Variants in CEP192 observed in about 807,000 individuals in gnomAD.
The protein encoded by CEP192 is centrosomal protein of 192 kDa.
In CEP192, 151 loss-of-function variants were observed where a neutral mutation model predicts 271.8. The ratio of observed to expected loss-of-function variants is 0.56; its 90% CI spans 0.49 to 0.64. The LOEUF (loss-of-function observed/expected upper bound fraction) is 0.64, where lower values mean the gene tolerates loss of function less well. CEP192 is among the 30% of genes least tolerant of loss of function. The probability of loss-of-function intolerance (pLI) is 0.00; values close to 1 mark genes in which losing one functional copy is unlikely to be tolerated. For synonymous variants in CEP192, 995 were observed against 1,076.5 expected, an observed-to-expected ratio of 0.92 and a Z score of 1.48; for missense variants, 2,910 against 3,020.5, an observed-to-expected ratio of 0.96 and a Z score of 0.86.
chr18:13,075,074 A>C (rs2038201128), intron 30 of CEP192, among the ~76,000 whole-genome samples: 1 of 152,244 alleles, frequency 6.6e-6, no homozygotes, highest in African/African-American at 2.4e-5. Flanking sequence ...CTTACTCTGC[A>C]GTACAACAGT....
chr18:13,023,041 G>C (rs1278875943), intron 9 of CEP192, among the ~76,000 whole-genome samples: 1 of 152,094 alleles, frequency 6.6e-6, no homozygotes, highest in African/African-American at 2.4e-5. Context: ...CATGTATGCT[G>C]TCATCTTTTA....
chr18:13,071,522 G>A (rs2144446572), intron 28 of CEP192, among the ~76,000 whole-genome samples: 1 of 152,284 alleles, frequency 6.6e-6, no homozygotes, highest in South Asian at 2.1e-4. Flanking sequence ...GAGCTGCATA[G>A]AGAATATGCA....
At chr18:13,117,888 C>T (rs2040505016) in intron 44 of CEP192, among the ~76,000 whole-genome samples, 1 of 152,182 alleles carries the variant, frequency 6.6e-6, no homozygotes, top group South Asian at 2.1e-4. Flanking sequence ...TGTGACTCCT[C>T]CCACCCAGGA....
intron 28 of CEP192, among the ~76,000 whole-genome samples, chr18:13,071,424 A>G (rs1034030308): frequency 6.6e-6 from 1 of 152,208 alleles, no homozygotes; most frequent in Non-Finnish European, 1.5e-5. Context: ...ATGACCAACA[A>G]TACAGTTACT....
At chr18:13,080,914 G>A (rs2038569208) in intron 30 of CEP192, among the ~76,000 whole-genome samples, 1 of 152,168 alleles carries the variant, frequency 6.6e-6, no homozygotes, top group African/African-American at 2.4e-5. Flanking sequence ...TTTTGTCGTT[G>A]GTTCTGTTTA....
intron 12 of CEP192, among the ~76,000 whole-genome samples, chr18:13,037,830 C>T (rs7243597): frequency 0.14 from 20,551 of 152,134 alleles, 1,535 homozygotes; most frequent in East Asian, 0.31. Flanking sequence ...GCTGGGATTA[C>T]AGGTGTGAGC....
At chr18:13,120,504 T>C (rs1226471676) in intron 44 of CEP192, among the ~76,000 whole-genome samples, 2 of 152,216 alleles carry the variant, frequency 1.3e-5, no homozygotes, top group East Asian at 3.8e-4. Context: ...TGAAGGAACT[T>C]AGAAACGTGA....
chr18:13,067,805 A>T (rs756660951), intron 21 of CEP192, 26 bp from the exon 22 acceptor site: 1 of 1,585,262 alleles, frequency 6.3e-7, no homozygotes, highest in Non-Finnish European at 8.6e-7. Flanking sequence ...GCTTTTCATA[A>T]ATCATTCCCT....
chr18:13,056,088 G>C lies in CEP192; in HGVS notation c.3498G>C (p.Arg1166Ser), dbSNP rs779880895. The change falls in exon 19 of 45, where the codon AGG becomes AGC. Residue 1166 changes from arginine to serine, a missense_variant. Physicochemically the swap from Arg to Ser is moderately radical, Grantham distance 110 (BLOSUM62 -1). Transcript: ENST00000506447. ...ACCCTGAGGAATTGGACCCGATCAG[G>C]CTGGCTCTCCTGGGCAAGTCAGGTC... ...TSNPEELDPI[R>S]LALLGKSGLS... is the part of the protein sequence containing the mutation. 4 of 1,613,728 alleles carry C rather than the reference G, an allele frequency of 2.5e-6. No homozygotes were observed. Among genetic ancestry groups the C allele is most frequent in the Non-Finnish European group, 3.4e-6 (4 of 1,179,750 alleles).
Position 13,096,058 on chromosome 18 carries a change from T to C in CEP192, c.6434-126T>C, listed in dbSNP as rs757890862. The C allele has an allele frequency of 1.8e-4, 168 of 938,112 alleles. 1 individual carries two copies. The highest frequency in any genetic ancestry group is 2.6e-4 in the Non-Finnish European group (163 of 629,444). The allele number at this position is 938,112 out of a possible 1,614,324, so 58.1% of individuals were successfully genotyped here. A position where few individuals can be genotyped will look rare whatever the true frequency, so the allele number is the denominator to read the frequency against. On this transcript the variant is annotated intron_variant, in intron 35 of 44. Coordinates refer to ENST00000506447, the MANE Select transcript of CEP192 (RefSeq NM_032142.4). ...TACCAAGGATTGGAAATTTCTGTAA[T>C]TGAGCAGTTGAGAAAGCAGTAGCAT...
At chr18:13,050,465 G>C (rs539210978) in intron 17 of CEP192, among the ~76,000 whole-genome samples, 1 of 152,222 alleles carries the variant, frequency 6.6e-6, no homozygotes, top group South Asian at 2.1e-4. Context: ...TTCAGCTAGT[G>C]CTCAATGTCA....
chr18:13,003,291 A>C (rs2033763131), intron 3 of CEP192, among the ~76,000 whole-genome samples: 1 of 151,868 alleles, frequency 6.6e-6, no homozygotes, highest in Non-Finnish European at 1.5e-5. Flanking sequence ...TCTACCAAAA[A>C]CACAAAAATT....
At chr18:13,083,674 G>A (rs112049065) in intron 30 of CEP192, among the ~76,000 whole-genome samples, 31 of 152,292 alleles carry the variant, frequency 2.0e-4, no homozygotes, top group Non-Finnish European at 3.1e-4. Context: ...GAGGAGCTGC[G>A]ATCTTTTGGA....
chr18:13,099,414 C>G, intron 36 of CEP192, 62 bp from the exon 37 acceptor site: 3 of 806,312 alleles, frequency 3.7e-6, no homozygotes, highest in Non-Finnish European at 2.0e-6. Flanking sequence ...ATTTATAACT[C>G]CTGTGATTAC....
intron 18 of CEP192, 134 bp downstream of exon 18, chr18:13,053,224 T>G: frequency 1.3e-6 from 1 of 760,252 alleles, no homozygotes; most frequent in Admixed American, 2.7e-5. Context: ...GATTTTTGTA[T>G]TTGTGTGCAC....
intron 21 of CEP192, 35 bp from the exon 22 acceptor site, chr18:13,067,796 C>T (rs2037790236): frequency 6.4e-7 from 1 of 1,565,066 alleles, no homozygotes; most frequent in South Asian, 1.1e-5. Context: ...TAATATATTG[C>T]TTTTCATAAA....
Position 13,067,911 on chromosome 18 carries a change from A to G in CEP192, c.4569A>G (p.Ile1523Met). ...GGWKALPLKLINRTHATVPIR... is the reference protein window; with the variant it reads ...GGWKALPLKLMNRTHATVPIR... ...GGAAAGCCCTCCCACTAAAATTGAT[A>G]AACCGAACGCATGCCACTGTGCCAA... Residue 1523 changes from isoleucine to methionine, a missense_variant, in exon 22 of 45, where the codon ATA (isoleucine) becomes ATG (methionine). Ile to Met is a conservative substitution (Grantham distance 10). Transcript: ENST00000506447. 6.2e-7 allele frequency: 1 copy of G among 1,613,268 alleles called. No individual in the cohort carries two copies. Among genetic ancestry groups the G allele is most frequent in the Non-Finnish European group, 8.5e-7 (1 of 1,179,192 alleles).
intron 15 of CEP192, among the ~76,000 whole-genome samples, chr18:13,043,275 A>G (rs903671378): frequency 2.0e-5 from 3 of 152,116 alleles, no homozygotes; most frequent in Admixed American, 2.0e-4. Context: ...ATTGGATAGG[A>G]GCCTTTTGTC....
chr18:13,018,990 A>G, intron 8 of CEP192, 92 bp from the exon 9 acceptor site: 1 of 1,236,396 alleles, frequency 8.1e-7, no homozygotes, highest in Non-Finnish European at 1.1e-6. Flanking sequence ...TATTAGGGTT[A>G]CATAAAATAA....
Sources: gnomAD v4.1 joint callset for allele counts (sites outside exome capture counted in the v4.1 genomes callset) on GRCh38, gnomAD v4.1.1 for gene constraint, MANE v1.5 for transcripts, NCBI Gene and HGNC (gene_info 2026-07-23, HGNC 2026-07-21) for gene names.